The following CACNA1D variants were observed in gnomAD, a reference collection of about 807,000 sequenced individuals.
The protein encoded by CACNA1D is voltage-dependent L-type calcium channel subunit alpha-1D.
CACNA1D carries 55 observed loss-of-function variants against 257.1 expected under a neutral mutation model. That is an observed-to-expected ratio of 0.21 (90% CI 0.17 to 0.27). The LOEUF is 0.27. Ranked by LOEUF, CACNA1D falls within the 10% of genes least tolerant of loss-of-function variation. The pLI is 1.00. For missense variants in CACNA1D, 1,876 were observed against 2,784.0 expected (o/e 0.67, Z 7.34); for synonymous variants, 980 against 1,014.9 (o/e 0.97, Z 0.65).
At chr3:53,503,777 G>A (rs972233361) in intron 3 of CACNA1D, among the ~76,000 whole-genome samples, 1 of 136,298 alleles carries the variant, frequency 7.3e-6, no homozygotes, top group South Asian at 2.3e-4. Flanking sequence ...TTTTTTTTTT[G>A]TGGGGGGGGA....
At chr3:53,590,941 C>T (rs1350601786) in intron 3 of CACNA1D, among the ~76,000 whole-genome samples, 1 of 152,218 alleles carries the variant, frequency 6.6e-6, no homozygotes, top group Non-Finnish European at 1.5e-5. Flanking sequence ...GCATTTTTCT[C>T]TTATGTATGG....
rs1351635157 is a variant in CACNA1D, at chr3:53,673,299, A to G, written c.1220+173A>G. Among the ~76,000 whole-genome samples the G allele has an allele frequency of 6.6e-6, 1 of 152,192 alleles. No homozygotes were observed. Among genetic ancestry groups the G allele is most frequent in the Non-Finnish European group, 1.5e-5 (1 of 68,032 alleles). On this transcript the variant is annotated intron_variant, in intron 8 of 47. Transcript: ENST00000350061. The surrounding 1 kb of genome is among the most constrained non-coding windows in gnomAD (Gnocchi z 4.1). ...AAATCAAGCTGTTTCCTGGAACCTC[A>G]CCAGGCTTCATGAAGGAGAACTATA...
Position 53,557,757 on chromosome 3 carries a change from A to G in CACNA1D, c.483+56037A>G, listed in dbSNP as rs558064213. ...TCACCAGCACTATACTGTTTTGATT[A>G]CTACAGATTTATTGTAAGTCATAAA... is the stretch of plus-strand genomic sequence containing the variant. On this transcript the variant is annotated intron_variant, in intron 3 of 47. Transcript: ENST00000350061. 7.2e-5 allele frequency among the ~76,000 whole-genome samples: 11 copies of G among 152,284 alleles called. No homozygotes were observed. The South Asian group carries it at 2.1e-3, about 29-fold the overall frequency.
At chr3:53,680,242 T>G (rs2094416945) in intron 8 of CACNA1D, among the ~76,000 whole-genome samples, 1 of 152,214 alleles carries the variant, frequency 6.6e-6, no homozygotes, top group African/African-American at 2.4e-5. Context: ...CAAGCTGACG[T>G]CTGTTTCCCT....
intron 3 of CACNA1D, among the ~76,000 whole-genome samples, chr3:53,590,434 G>T (rs1193211475): frequency 6.6e-6 from 1 of 152,238 alleles, no homozygotes; most frequent in Non-Finnish European, 1.5e-5. Flanking sequence ...GCCCAGGGTT[G>T]TATAGGGCAG....
intron 35 of CACNA1D, 114 bp from the exon 36 acceptor site, chr3:53,776,489 C>T: frequency 1.6e-6 from 2 of 1,276,484 alleles, no homozygotes; most frequent in Non-Finnish European, 2.2e-6. Flanking sequence ...TTTACAACTT[C>T]TCTTGGAGAC....
intron 4 of CACNA1D, among the ~76,000 whole-genome samples, chr3:53,652,758 T>G (rs1662746168): frequency 6.6e-6 from 1 of 152,222 alleles, no homozygotes; most frequent in African/African-American, 2.4e-5. Context: ...GCCACCTATT[T>G]TTATAAATAA....
chr3:53,660,369 G>A lies in CACNA1D; in HGVS notation c.766+94G>A. On this transcript the variant is annotated intron_variant, in intron 5 of 47. Transcript: ENST00000350061. ...CTGGTGCTTTGAGGTGAGTTGCTCT[G>A]TGCCAGCCAGGGGTCAGCAGATGAC... 4.9e-6 allele frequency: 6 copies of A among 1,236,872 alleles called. No individual in the cohort carries two copies. The South Asian group carries it at 6.1e-5, about 13-fold the overall frequency. The allele number at this position is 1,236,872 out of a possible 1,614,324, so 76.6% of individuals were successfully genotyped here.
At chr3:53,721,643 G>A (rs1305074462) in intron 11 of CACNA1D, among the ~76,000 whole-genome samples, 3 of 152,172 alleles carry the variant, frequency 2.0e-5, no homozygotes, top group Non-Finnish European at 2.9e-5. Context: ...ATGAAAACAC[G>A]ATTCAATATT....
At chr3:53,721,387 T>C (rs2094881234) in intron 11 of CACNA1D, among the ~76,000 whole-genome samples, 1 of 152,118 alleles carries the variant, frequency 6.6e-6, no homozygotes, top group South Asian at 2.1e-4. Flanking sequence ...AAGTACCCCA[T>C]TGTCGTTAGT....
At position 53,497,387 on chromosome 3, in the gene CACNA1D, A is replaced by T; in HGVS notation, c.303A>T (p.Arg101=). Residue 101 remains arginine (R), a synonymous_variant, in exon 2 of 48, where the codon CGA becomes CGT. Transcript: ENST00000350061. ...SKKQGNSSNS[R]PARALFCLSL... ...AACAGGGTAACTCGTCCAACAGCCG[A>T]CCTGCCCGCGCCCTTTTCTGTTTAT... 6.2e-7 allele frequency: 1 copy of T among 1,614,160 alleles called. No individual in the cohort carries two copies. Among genetic ancestry groups the T allele is most frequent in the Admixed American group, 1.7e-5 (1 of 60,016 alleles).
rs149548104 is a variant in CACNA1D at position 53,560,211 on chromosome 3, C to A, written c.483+58491C>A. ...TGGAGGGGGAAAACAGTGGAAAATT[C>A]TCTGCTGGTTTGGTGATACTCTGAG... On this transcript the variant is annotated intron_variant, in intron 3 of 47. Transcript: ENST00000350061. 3.9e-4 allele frequency among the ~76,000 whole-genome samples: 60 copies of A among 152,096 alleles called. No homozygotes were observed. In the East Asian group the frequency reaches 0.01, roughly 26 times the overall value.
At chr3:53,555,200 C>A (rs1163654260) in intron 3 of CACNA1D, among the ~76,000 whole-genome samples, 3 of 152,184 alleles carry the variant, frequency 2.0e-5, no homozygotes. Context: ...ACTTATCAAA[C>A]ATTTAGTGTC....
intron 40 of CACNA1D, among the ~76,000 whole-genome samples, chr3:53,798,818 A>G (rs2095521134): frequency 6.6e-6 from 1 of 152,190 alleles, no homozygotes; most frequent in African/African-American, 2.4e-5. Flanking sequence ...AGTGGGACCC[A>G]GCCCTGATGG....
chr3:53,747,517 GA>G, intron 26 of CACNA1D, 69 bp downstream of exon 26: 1 of 1,493,498 alleles, frequency 6.7e-7, no homozygotes, highest in Non-Finnish European at 9.3e-7. Context: ...CTCCCTCCTG[GA>G]GTCAGTCCCA....
intron 9 of CACNA1D, among the ~76,000 whole-genome samples, chr3:53,715,260 C>T (rs1325861647): frequency 6.6e-6 from 1 of 152,182 alleles, no homozygotes; most frequent in African/African-American, 2.4e-5. Context: ...TCATCCTCAG[C>T]CCTGGCAACA....
At chr3:53,678,517 A>T (rs1368208636) in intron 8 of CACNA1D, among the ~76,000 whole-genome samples, 2 of 152,218 alleles carry the variant, frequency 1.3e-5, no homozygotes, top group African/African-American at 4.8e-5. Flanking sequence ...ATTTATCTTT[A>T]GAAGTTTAAG....
chr3:53,764,596 C>T (rs866780661), intron 30 of CACNA1D, among the ~76,000 whole-genome samples: 1 of 152,334 alleles, frequency 6.6e-6, no homozygotes, highest in Middle Eastern at 3.4e-3. Flanking sequence ...AGGGGTGTAG[C>T]ACCCATGTAC....
intron 29 of CACNA1D, among the ~76,000 whole-genome samples, chr3:53,755,762 C>T (rs73841000): frequency 0.02 from 2,987 of 152,096 alleles, 96 homozygotes; most frequent in African/African-American, 0.068. Flanking sequence ...GGGAGAGTAT[C>T]GGTTCACCAA....
Sources: allele counts gnomAD v4.1 joint callset (sites outside exome capture counted in the v4.1 genomes callset), GRCh38; gene constraint gnomAD v4.1.1; non-coding constraint Gnocchi (gnomAD v3.1); transcripts MANE v1.5; gene names NCBI Gene and HGNC (gene_info 2026-07-23, HGNC 2026-07-21).